NBAS: variants seen among roughly 807,000 people sequenced by gnomAD.
NBAS encodes NBAS subunit of NRZ tethering complex, also known as NAG/BC035112 fusion.
Under a neutral mutation model 302.5 loss-of-function variants are expected in NBAS, and 219 were observed. That is an observed-to-expected ratio of 0.72 (90% CI 0.65 to 0.81). The LOEUF (loss-of-function observed/expected upper bound fraction) is 0.81. Among genes scored for constraint, NBAS ranks in the 30% least tolerant of loss-of-function variants. The pLI is 0.00. For missense variants in NBAS, 2,932 were observed against 2,841.6 expected, an observed-to-expected ratio of 1.03 and a Z score of -0.72; for synonymous variants, 1,118 against 1,021.6, an observed-to-expected ratio of 1.09 and a Z score of -1.80.
chr2:15,454,877 T>A (rs1292694735), intron 21 of NBAS, among the ~76,000 whole-genome samples: 1 of 151,950 alleles, frequency 6.6e-6, no homozygotes, highest in African/African-American at 2.4e-5. Flanking sequence ...AAGTATTTCT[T>A]AACCATTCAA....
At chr2:15,302,276 C>T (rs954470412) in intron 40 of NBAS, among the ~76,000 whole-genome samples, 1 of 152,178 alleles carries the variant, frequency 6.6e-6, no homozygotes, top group Non-Finnish European at 1.5e-5. Flanking sequence ...GACCTACAAT[C>T]GGATGCTTTC....
chr2:14,978,392 C>T, the NBAS span, among the ~76,000 whole-genome samples: 3 of 152,168 alleles, frequency 2.0e-5, no homozygotes, highest in African/African-American at 7.2e-5. Flanking sequence ...CCTCACTGAT[C>T]CTGCCTAGTG....
chr2:15,326,889 G>GA (rs1366492242), intron 38 of NBAS, among the ~76,000 whole-genome samples: 8 of 152,078 alleles, frequency 5.3e-5, no homozygotes, highest in Non-Finnish European at 1.0e-4. Flanking sequence ...CTGATTGATA[G>GA]AAAAAAACAT....
chr2:15,493,536 A>C (rs906201839), intron 11 of NBAS, among the ~76,000 whole-genome samples: 10 of 152,042 alleles, frequency 6.6e-5, no homozygotes, highest in African/African-American at 2.2e-4. Context: ...GCATGATGGC[A>C]AGTGCCTATA....
At chr2:15,379,567 C>A in intron 30 of NBAS, 35 bp downstream of exon 30, 1 of 1,591,290 alleles carries the variant, frequency 6.3e-7, no homozygotes, top group Non-Finnish European at 8.6e-7. Flanking sequence ...TGACTTTCCC[C>A]CTCCATCTTA....
chr2:15,260,173 A>G, intron 44 of NBAS, among the ~76,000 whole-genome samples: 1 of 152,364 alleles, frequency 6.6e-6, no homozygotes. Context: ...ATTTAAAATT[A>G]TAAAATTTTT....
At chr2:15,178,895 C>A (rs1310628421) in intron 51 of NBAS, 93 bp downstream of exon 51, 2 of 1,559,184 alleles carry the variant, frequency 1.3e-6, no homozygotes, top group Admixed American at 3.4e-5. Flanking sequence ...CTTCAATTAA[C>A]CACGGTGTTA....
chr2:15,405,758 T>C (rs1434836247), intron 25 of NBAS, among the ~76,000 whole-genome samples: 1 of 152,102 alleles, frequency 6.6e-6, no homozygotes, highest in Non-Finnish European at 1.5e-5. Flanking sequence ...AAAACTAACA[T>C]ATAAATAGCT....
the NBAS span, among the ~76,000 whole-genome samples, chr2:14,955,967 A>G: frequency 6.6e-6 from 1 of 152,206 alleles, no homozygotes; most frequent in Non-Finnish European, 1.5e-5. Flanking sequence ...ATTTGTCCCC[A>G]GAAAATGGGT....
chr2:15,099,304 C>T, the NBAS span, among the ~76,000 whole-genome samples: 4 of 151,846 alleles, frequency 2.6e-5, no homozygotes, highest in Middle Eastern at 6.8e-3. Context: ...TCCTCCCCGC[C>T]GACCCCCAAA....
the NBAS span, among the ~76,000 whole-genome samples, chr2:14,960,967 C>T: frequency 2.0e-5 from 3 of 152,084 alleles, no homozygotes; most frequent in Non-Finnish European, 4.4e-5. Context: ...GTCACCCTGA[C>T]AGCAGCAGAC....
At chr2:15,070,475 A>G in the NBAS span, among the ~76,000 whole-genome samples, 1 of 152,162 alleles carries the variant, frequency 6.6e-6, no homozygotes, top group South Asian at 2.1e-4. Flanking sequence ...ATCTGCCTCC[A>G]TTTCTCAGGA....
intron 41 of NBAS, among the ~76,000 whole-genome samples, chr2:15,289,164 C>T (rs1014241999): frequency 2.0e-5 from 3 of 152,182 alleles, no homozygotes; most frequent in African/African-American, 4.8e-5. Context: ...GTAGCCTTGA[C>T]CTCCCAGGCT....
chr2:15,203,134 C>A (rs1483773656), intron 48 of NBAS, among the ~76,000 whole-genome samples: 1 of 151,996 alleles, frequency 6.6e-6, no homozygotes, highest in East Asian at 1.9e-4. Context: ...CATAATATAC[C>A]ATACAGACAT....
At chr2:15,209,448 A>C (rs1302693312) in intron 48 of NBAS, among the ~76,000 whole-genome samples, 1 of 152,166 alleles carries the variant, frequency 6.6e-6, no homozygotes, top group Admixed American at 6.6e-5. Context: ...CTAAAAGCCC[A>C]GTATTACCCT....
the NBAS span, among the ~76,000 whole-genome samples, chr2:14,934,516 G>C: frequency 2.6e-5 from 4 of 151,922 alleles, no homozygotes; most frequent in African/African-American, 7.3e-5. Flanking sequence ...AGTATGATTG[G>C]ACCCATAAAA....
the NBAS span, among the ~76,000 whole-genome samples, chr2:14,789,989 A>G: frequency 6.6e-6 from 1 of 152,232 alleles, no homozygotes; most frequent in Non-Finnish European, 1.5e-5. Context: ...GAATGGCAAG[A>G]ATTACATTTA....
chr2:15,096,626 T>C, the NBAS span, among the ~76,000 whole-genome samples: 1 of 152,154 alleles, frequency 6.6e-6, no homozygotes, highest in Non-Finnish European at 1.5e-5. Context: ...AAGGCTGTTC[T>C]CCTGCCACCC....
chr2:15,434,211 CAACAA>C (rs902924705), intron 21 of NBAS, among the ~76,000 whole-genome samples: 13 of 152,032 alleles, frequency 8.6e-5, no homozygotes, highest in African/African-American at 3.1e-4. Flanking sequence ...TGATTAATGT[CAACAA>C]AACAAGAGAG....
Sources: allele counts gnomAD v4.1 joint callset (sites outside exome capture counted in the v4.1 genomes callset), GRCh38; gene constraint gnomAD v4.1.1; transcripts MANE v1.5; gene names NCBI Gene and HGNC (gene_info 2026-07-23, HGNC 2026-07-21).